Variants in TRPM1 observed in about 807,000 individuals in gnomAD.
The protein encoded by TRPM1 is transient receptor potential cation channel subfamily M member 1.
TRPM1 carries 113 observed loss-of-function variants against 149.4 expected under a neutral mutation model. That is an observed-to-expected ratio of 0.76 (90% confidence interval 0.65 to 0.88). The LOEUF is 0.88. TRPM1 is among the 40% of genes least tolerant of loss of function. The probability of loss-of-function intolerance (pLI) is 0.00; values close to 1 mark genes in which losing one functional copy is unlikely to be tolerated. For missense variants in TRPM1, 1,976 were observed against 2,038.7 expected, an observed-to-expected ratio of 0.97 and a Z score of 0.59; for synonymous variants, 741 against 759.5, an observed-to-expected ratio of 0.98 and a Z score of 0.40.
chr15:31,007,256 C>T (rs1457559962), intron 27 of TRPM1, among the ~76,000 whole-genome samples: 1 of 152,110 alleles, frequency 6.6e-6, no homozygotes, highest in African/African-American at 2.4e-5. Context: ...ATGATCCATT[C>T]GTCGTTGAAT....
Position 31,097,250 on chromosome 15 carries a change from G to A in TRPM1, c.-84+4407C>T, listed in dbSNP as rs545806457. ...CACCCACCCACCCACCCAAGACTACGTCCACCAAAGGCATTGGCAGGAATC... is the reference window on the plus strand; with the variant it reads ...CACCCACCCACCCACCCAAGACTACATCCACCAAAGGCATTGGCAGGAATC... On this transcript the variant is annotated intron_variant, in intron 1 of 27. Coordinates refer to ENST00000256552, the MANE Select transcript of TRPM1 (RefSeq NM_001252024.2). Among the ~76,000 whole-genome samples the A allele has an allele frequency of 2.3e-3, 189 of 81,580 alleles. 1 individual carries two copies. In the Admixed American group the frequency reaches 0.03, roughly 13 times the overall value. The allele number at this position is 81,580 out of a possible 152,430, so 53.5% of individuals were successfully genotyped here. A position where few individuals can be genotyped will look rare whatever the true frequency, so the allele number is the denominator to read the frequency against.
intron 6 of TRPM1, 64 bp downstream of exon 6, chr15:31,066,999 C>T (rs529715729): frequency 8.9e-5 from 142 of 1,598,692 alleles, no homozygotes; most frequent in South Asian, 5.3e-4. Context: ...TCTGAATCAA[C>T]GGTTACCTCA....
At chr15:31,027,851 G>T (rs1407558385) in intron 25 of TRPM1, among the ~76,000 whole-genome samples, 1 of 152,024 alleles carries the variant, frequency 6.6e-6, no homozygotes, top group Non-Finnish European at 1.5e-5. Flanking sequence ...CAAATAGGCA[G>T]GTTTTATAAG....
At chr15:31,089,187 G>A (rs1192900197) in intron 1 of TRPM1, among the ~76,000 whole-genome samples, 1 of 152,216 alleles carries the variant, frequency 6.6e-6, no homozygotes, top group East Asian at 1.9e-4. Flanking sequence ...TGTGCAACAG[G>A]AGTGGTCATT....
At chr15:31,092,079 T>A (rs958027448) in intron 1 of TRPM1, among the ~76,000 whole-genome samples, 1 of 149,964 alleles carries the variant, frequency 6.7e-6, no homozygotes, top group African/African-American at 2.5e-5. Context: ...GGGAGAAAGT[T>A]TTTCTCTCTG....
rs374305837 is a variant in TRPM1, at chr15:31,138,215, A to G, written c.54+22691T>C. 2.5e-4 allele frequency among the ~76,000 whole-genome samples: 38 copies of G among 152,262 alleles called. No homozygotes were observed. The East Asian group carries it at 7.0e-3, about 28-fold the overall frequency. On this transcript the variant is annotated intron_variant, in intron 1 of 26. Transcript: ENST00000542188. ...TTGGTGCAAACAACCAGGGCACTGG[A>G]AAGGGGGCCGCCCTCACAAAGATTT... is the stretch of plus-strand genomic sequence containing the variant.
intron 1 of TRPM1, among the ~76,000 whole-genome samples, chr15:31,115,236 C>G (rs1167357921): frequency 6.6e-6 from 1 of 151,892 alleles, no homozygotes; most frequent in Non-Finnish European, 1.5e-5. Context: ...CCAGCCTGGG[C>G]AACAGAGCAA....
chr15:31,003,006 G>A lies in TRPM1; in HGVS notation c.3694C>T (p.Leu1232=), dbSNP rs912679691. 6.3e-6 allele frequency: 10 copies of A among 1,595,318 alleles called. No homozygotes were observed. The highest frequency in any genetic ancestry group is 3.6e-5 in the Admixed American group (2 of 55,234). The change falls in exon 28 of 28, where the codon CTG becomes TTG. Residue 1232 remains leucine (L), a synonymous_variant. Coordinates refer to ENST00000256552, the MANE Select transcript of TRPM1 (RefSeq NM_001252024.2). ...GCAAGTCGAAGGTCAACAGTCTGCA[G>A]GGAAGTTTTCATAAAAGTTTCTCTT... ...NERETFMKTS[L]QTVDLRLAQL... is the part of the protein sequence containing the mutation.
chr15:31,090,234 TACAC>T (rs1010424696), intron 1 of TRPM1, among the ~76,000 whole-genome samples: 16 of 152,166 alleles, frequency 1.1e-4, no homozygotes, highest in African/African-American at 3.4e-4. Flanking sequence ...TTTGAGCCAT[TACAC>T]AGACAGCTTC....
chr15:31,006,408 C>G (rs908749964), intron 27 of TRPM1, among the ~76,000 whole-genome samples: 2 of 152,172 alleles, frequency 1.3e-5, no homozygotes, highest in African/African-American at 4.8e-5. Context: ...GAACTCCTGA[C>G]CTCAGGTGAT....
At chr15:31,065,086 C>T in intron 7 of TRPM1, 1 of 534,778 alleles carries the variant, frequency 1.9e-6, no homozygotes, top group South Asian at 1.4e-5. Context: ...CTGCCCTGCT[C>T]AGAGCCCTAG....
At position 31,049,365 on chromosome 15, in the gene TRPM1, G is replaced by C. The variant is rs778659422; in HGVS notation, c.1572+10C>G. 8 of 1,613,980 alleles carry C rather than the reference G, an allele frequency of 5.0e-6. No individual in the cohort carries two copies. In the South Asian group the frequency reaches 7.7e-5, roughly 16 times the overall value. ...CCTCCCGCTTCCTTCCCTTTTTCTAGAGCACTCACTGTGTTATAAAGCTCC... is the reference window on the plus strand; with the variant it reads ...CCTCCCGCTTCCTTCCCTTTTTCTACAGCACTCACTGTGTTATAAAGCTCC... On this transcript the variant is annotated intron_variant, in intron 13 of 27. Coordinates refer to ENST00000256552, the MANE Select transcript of TRPM1 (RefSeq NM_001252024.2).
chr15:31,011,225 A>C (rs1229728318), intron 27 of TRPM1, among the ~76,000 whole-genome samples: 1 of 152,162 alleles, frequency 6.6e-6, no homozygotes, highest in Non-Finnish European at 1.5e-5. Flanking sequence ...TTAAATATTC[A>C]TTGTGCTAGT....
At position 31,026,952 on chromosome 15, in the gene TRPM1, C is replaced by T; in HGVS notation, c.3459G>A (p.Lys1153=). Residue 1153 remains lysine (K), a synonymous_variant, in exon 26 of 28, where the codon AAG becomes AAA. Coordinates refer to ENST00000256552, the MANE Select transcript of TRPM1 (RefSeq NM_001252024.2). ...IMRLSGRCRK[K]REGDQEERDR... is the part of the protein sequence containing the mutation. ...CCCGTTCCTCTTGGTCCCCTTCTCT[C>T]TTTTTCCTGCAGCGGCCGCTGAGAC... 6.2e-7 allele frequency: 1 copy of T among 1,614,138 alleles called. No homozygotes were observed. Among genetic ancestry groups the T allele is most frequent in the East Asian group, 2.2e-5 (1 of 44,888 alleles).
rs1048422588 is a variant in TRPM1, at chr15:31,039,015, G to A, written c.2317-849C>T. Among the ~76,000 whole-genome samples, 3 of 123,040 alleles carry A rather than the reference G, an allele frequency of 2.4e-5. No individual in the cohort carries two copies. The South Asian group carries it at 7.8e-4, about 32-fold the overall frequency. 80.7% of individuals were successfully genotyped at this position (123,040 alleles called of 152,430 possible). A position where few individuals can be genotyped will look rare whatever the true frequency, so the allele number is the denominator to read the frequency against. On this transcript the variant is annotated intron_variant, in intron 18 of 27. Transcript: ENST00000256552. ...CCTTTTTTTTTTTTTTTTTTTGCTT[G>A]GACTACCTGCTAAACTAATTCTTCT...
intron 11 of TRPM1, chr15:31,060,156 C>T (rs1309820063): frequency 2.8e-6 from 1 of 361,748 alleles, no homozygotes; most frequent in African/African-American, 2.1e-5. Flanking sequence ...TAAACACACA[C>T]ACACACAGAG....
intron 8 of TRPM1, 123 bp downstream of exon 8, chr15:31,062,995 T>A: frequency 7.4e-7 from 1 of 1,345,498 alleles, no homozygotes; most frequent in Middle Eastern, 1.8e-4. Context: ...GGAGAGGAGA[T>A]CTAGCAAATC....
intron 1 of TRPM1, among the ~76,000 whole-genome samples, chr15:31,114,760 A>G (rs999346728): frequency 5.3e-5 from 8 of 152,234 alleles, no homozygotes; most frequent in African/African-American, 7.2e-5. Flanking sequence ...CAAAAGAAAA[A>G]TGGAGACATT....
intron 10 of TRPM1, 49 bp downstream of exon 10, chr15:31,061,393 G>A: frequency 6.3e-7 from 1 of 1,580,060 alleles, no homozygotes; most frequent in Non-Finnish European, 8.7e-7. Context: ...AGGATTGCCG[G>A]CTAGGCCAAC....
Sources: allele counts gnomAD v4.1 joint callset (sites outside exome capture counted in the v4.1 genomes callset), GRCh38; gene constraint gnomAD v4.1.1; transcripts MANE v1.5; gene names NCBI Gene and HGNC (gene_info 2026-07-23, HGNC 2026-07-21).